The following SYT16 variants were observed in gnomAD, a reference collection of about 807,000 sequenced individuals.
SYT16 encodes synaptotagmin 16.
A neutral mutation model predicts 61.4 loss-of-function variants in SYT16; 42 were observed. The observed-to-expected ratio is 0.68, with a 90% CI of 0.53 to 0.89. The LOEUF (loss-of-function observed/expected upper bound fraction) is 0.89, where lower values mean the gene tolerates loss of function less well. Ranked by LOEUF, SYT16 falls within the 40% of genes least tolerant of loss-of-function variation. The pLI is 0.00. For synonymous variants in SYT16, 314 were observed against 302.3 expected (o/e 1.04, Z -0.40); for missense variants, 804 against 807.3 (o/e 1.00, Z 0.05).
At chr14:61,825,905 T>G (rs920183315) in intron 1 of SYT16, among the ~76,000 whole-genome samples, 13 of 152,182 alleles carry the variant, frequency 8.5e-5, no homozygotes, top group Non-Finnish European at 1.9e-4. Context: ...GTGGACCAAA[T>G]CAATGAATTA....
At chr14:61,931,055 T>C (rs758719888) in intron 1 of SYT16, among the ~76,000 whole-genome samples, 12 of 152,198 alleles carry the variant, frequency 7.9e-5, no homozygotes, top group Non-Finnish European at 1.6e-4. Flanking sequence ...ACAGCAGCAA[T>C]AGAAAACATA....
chr14:61,916,911 T>C (rs1166089605), intron 1 of SYT16, among the ~76,000 whole-genome samples: 1 of 152,212 alleles, frequency 6.6e-6, no homozygotes, highest in African/African-American at 2.4e-5. Context: ...TTGTTGACAA[T>C]GACAGGATTT....
intron 1 of SYT16, among the ~76,000 whole-genome samples, chr14:61,889,963 A>G (rs1308585141): frequency 3.9e-5 from 6 of 151,970 alleles, no homozygotes; most frequent in Non-Finnish European, 8.8e-5. Context: ...GGCTGGATAC[A>G]AGTTTTGATC....
chr14:62,037,439 T>G lies in SYT16; in HGVS notation c.524-32164T>G, dbSNP rs572035915. 7.9e-5 allele frequency among the ~76,000 whole-genome samples: 12 copies of G among 152,300 alleles called. 1 individual carries two copies. The highest frequency in any genetic ancestry group is 6.5e-4 in the Admixed American group (10 of 15,298). On this transcript the variant is annotated intron_variant, in intron 3 of 7. Transcript: ENST00000683842. ...TAGAAATCAGGGACACATAATTAGCTTGTGTCTTAAATTGATGTTTTCAAC... is the reference window on the plus strand; with the variant it reads ...TAGAAATCAGGGACACATAATTAGCGTGTGTCTTAAATTGATGTTTTCAAC...
rs368578501 is a variant in SYT16 at position 61,859,061 on chromosome 14, A to G, written c.-325+46251A>G. 2.7e-3 allele frequency among the ~76,000 whole-genome samples: 415 copies of G among 151,242 alleles called. 2 individuals are homozygous for G. The East Asian group carries it at 0.047, about 17-fold the overall frequency. ...TTTTTAGTAGAGACGGGGTTTCACC[A>G]TGTTAGCCAGGATGGTCTTGATCTC... On this transcript the variant is annotated intron_variant, in intron 1 of 7. Coordinates refer to ENST00000683842, the MANE Select transcript of SYT16 (RefSeq NM_001367656.1).
chr14:61,974,554 G>A, intron 2 of SYT16, among the ~76,000 whole-genome samples: 1 of 152,178 alleles, frequency 6.6e-6, no homozygotes, highest in Non-Finnish European at 1.5e-5. Flanking sequence ...GATTCTCCTG[G>A]AGTCAGCAGG....
chr14:62,079,977 A>G (rs1026751830), intron 5 of SYT16, among the ~76,000 whole-genome samples: 2 of 152,218 alleles, frequency 1.3e-5, no homozygotes, highest in African/African-American at 4.8e-5. Flanking sequence ...TTTCATATCA[A>G]TGAAAACCTC....
chr14:61,884,684 A>G (rs1212717090), intron 1 of SYT16, among the ~76,000 whole-genome samples: 2 of 152,208 alleles, frequency 1.3e-5, no homozygotes, highest in Non-Finnish European at 2.9e-5. Context: ...GAGTAGCAGG[A>G]CAAGATTAAT....
At chr14:61,964,018 C>A (rs982417616) in intron 1 of SYT16, among the ~76,000 whole-genome samples, 1 of 152,122 alleles carries the variant, frequency 6.6e-6, no homozygotes, top group Non-Finnish European at 1.5e-5. Context: ...AAAGGAGACT[C>A]CTTTCAAAAT....
chr14:61,954,401 G>A (rs1413150998), intron 1 of SYT16, among the ~76,000 whole-genome samples: 1 of 146,894 alleles, frequency 6.8e-6, no homozygotes, highest in Admixed American at 6.9e-5. Context: ...CTCTATTTAT[G>A]TCGTTATATG....
At chr14:62,006,361 T>C (rs965821589) in intron 3 of SYT16, among the ~76,000 whole-genome samples, 3 of 152,146 alleles carry the variant, frequency 2.0e-5, no homozygotes, top group Non-Finnish European at 4.4e-5. Flanking sequence ...AGCATTTTAA[T>C]CGGTGATTTA....
intron 2 of SYT16, among the ~76,000 whole-genome samples, chr14:61,982,352 A>C (rs995404453): frequency 6.6e-6 from 1 of 152,176 alleles, no homozygotes; most frequent in Non-Finnish European, 1.5e-5. Context: ...TAATGGACTC[A>C]GAGTTCCATG....
intron 1 of SYT16, among the ~76,000 whole-genome samples, chr14:61,870,506 T>C (rs1450601299): frequency 2.0e-5 from 3 of 152,148 alleles, no homozygotes; most frequent in Non-Finnish European, 4.4e-5. Context: ...TGTAGGTTTA[T>C]AATTTTCTTC....
chr14:62,034,603 G>A (rs1011457721), intron 3 of SYT16, among the ~76,000 whole-genome samples: 1 of 151,810 alleles, frequency 6.6e-6, no homozygotes, highest in African/African-American at 2.4e-5. Context: ...GTAACAAGAG[G>A]CCACATATTA....
chr14:61,829,403 C>T (rs138678187), intron 1 of SYT16, among the ~76,000 whole-genome samples: 2 of 152,140 alleles, frequency 1.3e-5, no homozygotes, highest in Non-Finnish European at 2.9e-5. Flanking sequence ...TTGGGTTTCT[C>T]CTGTTTAAAG....
intron 1 of SYT16, among the ~76,000 whole-genome samples, chr14:61,860,849 G>C (rs187464257): frequency 4.9e-4 from 74 of 152,302 alleles, no homozygotes; most frequent in Admixed American, 1.2e-3. Context: ...ATTTTACCAG[G>C]GTGTGGTTTT....
At chr14:62,035,511 A>G (rs1463087925) in intron 3 of SYT16, among the ~76,000 whole-genome samples, 2 of 152,206 alleles carry the variant, frequency 1.3e-5, no homozygotes, top group Non-Finnish European at 2.9e-5. Flanking sequence ...ATTCCATCAA[A>G]GAGACATATA....
chr14:62,086,074 G>T (rs575782198), intron 7 of SYT16, among the ~76,000 whole-genome samples: 3 of 152,214 alleles, frequency 2.0e-5, no homozygotes, highest in African/African-American at 7.2e-5. Flanking sequence ...TGGTATATTG[G>T]GTGGTACCGG....
At chr14:62,016,569 C>G (rs1232569555) in intron 3 of SYT16, among the ~76,000 whole-genome samples, 1 of 148,560 alleles carries the variant, frequency 6.7e-6, no homozygotes, top group African/African-American at 2.5e-5. Context: ...AAAAATTAGC[C>G]GGGCGTGGTG....
Sources: allele counts gnomAD v4.1 joint callset (sites outside exome capture counted in the v4.1 genomes callset), GRCh38; gene constraint gnomAD v4.1.1; transcripts MANE v1.5; gene names NCBI Gene and HGNC (gene_info 2026-07-23, HGNC 2026-07-21).